Variants in GPR143 observed in about 807,000 individuals in gnomAD.
GPR143 encodes the protein G protein-coupled receptor 143, also known as G-protein coupled receptor 143.
GPR143 carries 8 observed loss-of-function variants against 27.6 expected under a neutral mutation model. The ratio of observed to expected loss-of-function variants is 0.29; its 90% CI spans 0.17 to 0.52. GPR143 has a LOEUF of 0.52. Among genes scored for constraint, GPR143 ranks in the 20% least tolerant of loss-of-function variants. The pLI, the probability that GPR143 is intolerant of heterozygous loss-of-function variation, is 0.96. For synonymous variants in GPR143, 156 were observed against 153.2 expected, an observed-to-expected ratio of 1.02 and a Z score of -0.13; for missense variants, 303 against 343.1, an observed-to-expected ratio of 0.88 and a Z score of 0.92.
chrX:9,761,359 G>A (rs1367377279), intron 1 of GPR143, among the ~76,000 whole-genome samples: 2 of 112,611 alleles, frequency 1.8e-5, no homozygotes, highest in Non-Finnish European at 3.7e-5. Context: ...CTCCCAAAGT[G>A]GGATGACAGG....
chrX:9,749,688 C>G (rs758177158), intron 3 of GPR143, among the ~76,000 whole-genome samples: 2 of 112,447 alleles, frequency 1.8e-5, no homozygotes, highest in East Asian at 5.6e-4. Context: ...GTCTTGAACT[C>G]GTGATCTCAA....
intron 8 of GPR143, among the ~76,000 whole-genome samples, chrX:9,730,873 A>G (rs1400365993): frequency 9.0e-6 from 1 of 110,983 alleles, no homozygotes; most frequent in African/African-American, 3.3e-5. Context: ...TGCCTTCCCT[A>G]CCTTCCTCCA....
intron 8 of GPR143, among the ~76,000 whole-genome samples, chrX:9,726,234 T>C (rs915562396): frequency 9.0e-6 from 1 of 111,113 alleles, no homozygotes; most frequent in Non-Finnish European, 1.9e-5. Context: ...GTGCAGCTTC[T>C]ACTGAGGATG....
chrX:9,767,623 G>A (rs923172440), upstream of GPR143, among the ~76,000 whole-genome samples: 18 of 111,657 alleles, frequency 1.6e-4, no homozygotes, highest in Non-Finnish European at 3.2e-4. Context: ...GATCTGGCAC[G>A]TCTATAAACG....
At chrX:9,768,638 C>T (rs897361020), upstream of GPR143, among the ~76,000 whole-genome samples, 3 of 111,095 alleles carry the variant, frequency 2.7e-5, no homozygotes, top group Non-Finnish European at 5.7e-5. Flanking sequence ...TGTGATTGCA[C>T]CACCAAACTC....
At chrX:9,740,684 C>T in intron 7 of GPR143, 1 of 287,881 alleles carries the variant, frequency 3.5e-6, no homozygotes, top group Non-Finnish European at 6.1e-6. Flanking sequence ...TCATAATCAT[C>T]ATTTTTAACA....
At chrX:9,738,347 A>G in intron 8 of GPR143, 1 of 631,964 alleles carries the variant, frequency 1.6e-6, no homozygotes, top group Non-Finnish European at 1.9e-6. Flanking sequence ...CCTAGATGGT[A>G]TCAGTAACTC....
chrX:9,769,433 G>T (rs1201615199), upstream of GPR143, among the ~76,000 whole-genome samples: 2 of 111,797 alleles, frequency 1.8e-5, no homozygotes, highest in African/African-American at 6.5e-5. Context: ...ACATCGAGAT[G>T]TCTCAACCAA....
chrX:9,751,191 G>T (rs966265903), intron 3 of GPR143, among the ~76,000 whole-genome samples: 2 of 112,712 alleles, frequency 1.8e-5, no homozygotes, highest in African/African-American at 6.4e-5. Context: ...TGGACGTCAG[G>T]CCTGGCTGCT....
chrX:9,743,343 T>C (rs2083413125), intron 6 of GPR143, among the ~76,000 whole-genome samples: 1 of 109,738 alleles, frequency 9.1e-6, no homozygotes, highest in Non-Finnish European at 1.9e-5. Flanking sequence ...GCTTTATATA[T>C]AATTTGAGTA....
At chrX:9,744,106 G>A (rs781417444) in intron 5 of GPR143, among the ~76,000 whole-genome samples, 3 of 111,889 alleles carry the variant, frequency 2.7e-5, no homozygotes, top group African/African-American at 9.7e-5. Context: ...GGAGGCCAAG[G>A]TGGGTGGATC....
upstream of GPR143, among the ~76,000 whole-genome samples, chrX:9,769,623 C>T (rs1188277373): frequency 5.4e-5 from 6 of 111,804 alleles, no homozygotes; most frequent in Non-Finnish European, 9.4e-5. Context: ...ACTATATCAT[C>T]CAGGCTGGAG....
intron 1 of GPR143, among the ~76,000 whole-genome samples, chrX:9,778,440 T>A (rs1288136326): frequency 9.2e-6 from 1 of 108,952 alleles, no homozygotes; most frequent in African/African-American, 3.3e-5. Context: ...TCATGCTCAG[T>A]TGGGGTCCTC....
upstream of GPR143, among the ~76,000 whole-genome samples, chrX:9,766,733 G>A (rs1295765875): frequency 2.7e-5 from 3 of 109,765 alleles, no homozygotes; most frequent in African/African-American, 6.6e-5. Context: ...ATCAAAAAAC[G>A]AAACAAAACA....
At chrX:9,766,804 G>A (rs1373861445), upstream of GPR143, among the ~76,000 whole-genome samples, 1 of 109,392 alleles carries the variant, frequency 9.1e-6, no homozygotes, top group Non-Finnish European at 1.9e-5. Context: ...GGCTGAGGTG[G>A]GAGGATCACT....
chrX:9,749,133 G>A (rs1335827344), intron 3 of GPR143, among the ~76,000 whole-genome samples: 1 of 111,876 alleles, frequency 8.9e-6, no homozygotes, highest in Non-Finnish European at 1.9e-5. Flanking sequence ...CCAGGTGGAG[G>A]TAATTGAATC....
chrX:9,725,543 C>A lies in GPR143; in HGVS notation c.*203G>T, dbSNP rs2083321288. 3 of 410,890 alleles carry A rather than the reference C, an allele frequency of 7.3e-6. No individual in the cohort carries two copies. The highest frequency in any genetic ancestry group is 4.1e-5 in the East Asian group (1 of 24,670). The allele number at this position is 410,890 out of a possible 1,213,427, so 33.9% of individuals were successfully genotyped here. A position where few individuals can be genotyped will look rare whatever the true frequency, so the allele number is the denominator to read the frequency against. On this transcript the variant is annotated 3_prime_UTR_variant, in exon 9 of 9. Coordinates refer to ENST00000467482, the MANE Select transcript of GPR143 (RefSeq NM_000273.3). ...GCTGTAGAGTGGTCTGGAGGGGGCT[C>A]TTCCATTCTCACACGTGTGTGCATG...
chrX:9,749,787 G>A (rs2083443919), intron 3 of GPR143, among the ~76,000 whole-genome samples: 1 of 110,819 alleles, frequency 9.0e-6, no homozygotes, highest in Admixed American at 9.6e-5. Context: ...AGGGGTTAGG[G>A]GTCAGGGTCT....
At chrX:9,756,700 C>T (rs1199453825) in intron 3 of GPR143, among the ~76,000 whole-genome samples, 4 of 112,401 alleles carry the variant, frequency 3.6e-5, no homozygotes, top group Non-Finnish European at 7.5e-5. Flanking sequence ...TTCACACATG[C>T]TAGGATGGCT....
Sources: allele counts gnomAD v4.1 joint callset (sites outside exome capture counted in the v4.1 genomes callset), GRCh38; gene constraint gnomAD v4.1.1; transcripts MANE v1.5; gene names NCBI Gene and HGNC (gene_info 2026-07-23, HGNC 2026-07-21).